The following ANXA6 variants were observed in gnomAD, a reference collection of about 807,000 sequenced individuals.
ANXA6 encodes the protein annexin A6.
ANXA6 carries 71 observed loss-of-function variants against 95.4 expected under a neutral mutation model. The observed-to-expected ratio is 0.74, with a 90% CI of 0.61 to 0.91. The LOEUF (loss-of-function observed/expected upper bound fraction) is 0.91. Ranked by LOEUF, ANXA6 falls within the 40% of genes least tolerant of loss-of-function variation. ANXA6 has a pLI of 0.00. For synonymous variants in ANXA6, 289 were observed against 315.9 expected, an observed-to-expected ratio of 0.91 and a Z score of 0.90; for missense variants, 830 against 876.4, an observed-to-expected ratio of 0.95 and a Z score of 0.67.
chr5:151,109,731 A>G (rs761700178), intron 22 of ANXA6, 22 bp downstream of exon 22: 1 of 1,574,602 alleles, frequency 6.4e-7, no homozygotes, highest in East Asian at 2.3e-5. Flanking sequence ...CTGAGCTGGG[A>G]AGGGAGGAGG....
chr5:151,117,048 C>A, intron 20 of ANXA6, 79 bp downstream of exon 20: 2 of 1,362,272 alleles, frequency 1.5e-6, no homozygotes, highest in Non-Finnish European at 9.9e-7. Context: ...CAGACAGGGC[C>A]CGGCGTAGAC....
chr5:151,135,436 A>C (rs968506686), intron 7 of ANXA6, among the ~76,000 whole-genome samples: 3 of 152,184 alleles, frequency 2.0e-5, no homozygotes, highest in African/African-American at 7.2e-5. Context: ...TGGCAATGAG[A>C]GGAACAGAGT....
At chr5:151,105,779 C>T (rs1764679946) in intron 23 of ANXA6, among the ~76,000 whole-genome samples, 1 of 152,240 alleles carries the variant, frequency 6.6e-6, no homozygotes, top group Non-Finnish European at 1.5e-5. Context: ...GGCAGATTCT[C>T]ATGCCTCAGA....
intron 16 of ANXA6, among the ~76,000 whole-genome samples, chr5:151,122,573 A>G (rs1261339132): frequency 2.0e-5 from 3 of 152,216 alleles, no homozygotes; most frequent in Non-Finnish European, 2.9e-5. Flanking sequence ...ATAATCCCTG[A>G]CACTCAGTTG....
At chr5:151,111,999 G>A (rs1764864346) in intron 20 of ANXA6, among the ~76,000 whole-genome samples, 1 of 151,658 alleles carries the variant, frequency 6.6e-6, no homozygotes, top group Admixed American at 6.6e-5. Context: ...TATTGCCATG[G>A]TGGCCAGGCT....
chr5:151,117,451 T>G (rs1765033988), intron 19 of ANXA6, among the ~76,000 whole-genome samples: 1 of 152,158 alleles, frequency 6.6e-6, no homozygotes, highest in Admixed American at 6.5e-5. Context: ...CAAGAGATGG[T>G]GACAGAAGCT....
intron 14 of ANXA6, among the ~76,000 whole-genome samples, chr5:151,125,190 C>T (rs1036716937): frequency 9.9e-5 from 15 of 151,988 alleles, no homozygotes; most frequent in Non-Finnish European, 2.9e-5. Context: ...AACCCTGTCT[C>T]TACACAAATT....
intron 5 of ANXA6, among the ~76,000 whole-genome samples, chr5:151,138,314 G>A (rs559475237): frequency 2.6e-5 from 4 of 152,162 alleles, no homozygotes; most frequent in African/African-American, 9.7e-5. Flanking sequence ...GGGCTTTGGG[G>A]CTTAACTTGA....
At position 151,122,989 on chromosome 5, in the gene ANXA6, G is replaced by C; in HGVS notation, c.1161C>G (p.Ile387Met). ...KGLGTDEDTI[I>M]DIITHRSNVQ... ...CATTGCTGCGGTGCGTGATGATATC[G>C]ATGATTGTGTCTTCGTCAGTCCCTG... Residue 387 changes from isoleucine (I) to methionine (M), a missense_variant, in exon 16 of 26, where the codon ATC (isoleucine) becomes ATG (methionine). Transcript: ENST00000354546. 6.8e-6 allele frequency: 11 copies of C among 1,613,788 alleles called. No homozygotes were observed. Among genetic ancestry groups the C allele is most frequent in the Non-Finnish European group, 9.3e-6 (11 of 1,179,886 alleles).
chr5:151,138,524 C>G (rs1028504513), intron 5 of ANXA6, among the ~76,000 whole-genome samples, 154 bp downstream of exon 5: 7 of 152,132 alleles, frequency 4.6e-5, no homozygotes, highest in African/African-American at 1.7e-4. Context: ...GTGTGCGGAT[C>G]GGGATGCTCC....
intron 20 of ANXA6, among the ~76,000 whole-genome samples, chr5:151,112,131 T>TTGACTTGTTAAACAGGCTA (rs1379486516): frequency 6.6e-6 from 1 of 152,114 alleles, no homozygotes; most frequent in Non-Finnish European, 1.5e-5. Flanking sequence ...CATCCTGAGA[T>TTGACTTGTTAAACAGGCTA]TGACTTGTTA....
chr5:151,101,234 C>A lies in ANXA6; in HGVS notation c.*214G>T. 1 of 621,096 alleles carries A rather than the reference C, an allele frequency of 1.6e-6. No individual in the cohort carries two copies. Among genetic ancestry groups the A allele is most frequent in the South Asian group, 1.9e-5 (1 of 53,632 alleles). 38.5% of individuals were successfully genotyped at this position (621,096 alleles called of 1,614,324 possible). A position where few individuals can be genotyped will look rare whatever the true frequency, so the allele number is the denominator to read the frequency against. On this transcript the variant is annotated 3_prime_UTR_variant, in exon 26 of 26. Coordinates refer to ENST00000354546, the MANE Select transcript of ANXA6 (RefSeq NM_001155.5). ...GAGTGGAGGTGGACAGGATCTATGGCTACGGTTTTTCAGCCGCTCAGCCGT... is the reference window on the plus strand; with the variant it reads ...GAGTGGAGGTGGACAGGATCTATGGATACGGTTTTTCAGCCGCTCAGCCGT...
Position 151,103,686 on chromosome 5 carries a change from C to T in ANXA6, c.1846G>A (p.Gly616Ser). The T allele has an allele frequency of 1.2e-6, 2 of 1,609,062 alleles. No individual in the cohort carries two copies. The highest frequency in any genetic ancestry group is 1.7e-6 in the Non-Finnish European group (2 of 1,177,778). ...DKLYKSMKGA[G>S]TDEKTLTRIM... ...CTGGTCAGAGTCTTCTCATCTGTGC[C>T]AGCACCCTGGTGGAGCCAGGCAGGA... The change falls in exon 25 of 26, where the codon GGC (glycine) becomes AGC (serine). Residue 616 changes from glycine (G) to serine (S), a missense_variant. Coordinates refer to ENST00000354546, the MANE Select transcript of ANXA6 (RefSeq NM_001155.5).
rs201672157 is a variant in ANXA6 at position 151,117,132 on chromosome 5, C to T, written c.1567G>A (p.Ala523Thr). ...GENLDQARED[A>T]QVAAEILEIA... ...GGGTGGGCTGGGGGTCTTACCTGGG[C>T]ATCTTCCCGTGCCTGGTCCAGGTTT... Residue 523 changes from alanine to threonine, a missense_variant, in exon 20 of 26, where the codon GCC (alanine) becomes ACC (threonine). By Grantham distance (58) the Ala-to-Thr change is moderately conservative. Transcript: ENST00000354546. 3 of 1,589,402 alleles carry T rather than the reference C, an allele frequency of 1.9e-6. No homozygotes were observed. Among genetic ancestry groups the T allele is most frequent in the East Asian group, 2.3e-5 (1 of 42,830 alleles).
intron 25 of ANXA6, among the ~76,000 whole-genome samples, chr5:151,102,693 G>A (rs965923981): frequency 3.3e-5 from 5 of 152,134 alleles, no homozygotes; most frequent in Non-Finnish European, 5.9e-5. Flanking sequence ...GACAGAGCAA[G>A]ACTCCGTCTC....
At chr5:151,154,331 ATT>A (rs1412432927) in intron 1 of ANXA6, among the ~76,000 whole-genome samples, 16 of 136,908 alleles carry the variant, frequency 1.2e-4, no homozygotes, top group East Asian at 4.2e-4. Context: ...ATATATATAT[ATT>A]GATCCCATAC....
intron 17 of ANXA6, among the ~76,000 whole-genome samples, chr5:151,121,459 AG>A (rs1765166309): frequency 7.1e-6 from 1 of 140,358 alleles, no homozygotes; most frequent in South Asian, 3.1e-4. Context: ...CTTCTGGGCC[AG>A]GACATAATGC....
In ANXA6 at chr5:151,108,558, C is replaced by T; in HGVS notation, c.1685-8G>A. 6.2e-7 allele frequency: 1 copy of T among 1,613,506 alleles called. No individual in the cohort carries two copies. Among genetic ancestry groups the T allele is most frequent in the Middle Eastern group, 1.7e-4 (1 of 6,056 alleles). ...TGATGAACTCCTGGAAGACTGGCCA[C>T]AAGAGAAGCCCCAGAGGTGGGGGTG... is the stretch of plus-strand genomic sequence containing the variant. On this transcript the variant is annotated splice_region_variant and splice_polypyrimidine_tract_variant and intron_variant, in intron 22 of 25. Transcript: ENST00000354546.
chr5:151,134,172 T>C (rs1765593733), intron 8 of ANXA6, among the ~76,000 whole-genome samples: 1 of 152,204 alleles, frequency 6.6e-6, no homozygotes, highest in South Asian at 2.1e-4. Flanking sequence ...TTCAATAATA[T>C]CTAAAAACTG....
Sources: gnomAD v4.1 joint callset for allele counts (sites outside exome capture counted in the v4.1 genomes callset) on GRCh38, gnomAD v4.1.1 for gene constraint, MANE v1.5 for transcripts, NCBI Gene and HGNC (gene_info 2026-07-23, HGNC 2026-07-21) for gene names.